EIPR1: variants seen among roughly 807,000 people sequenced by gnomAD.
The protein encoded by EIPR1 is EARP and GARP complex-interacting protein 1.
In EIPR1, 25 loss-of-function variants were observed where a neutral mutation model predicts 48.1. The ratio of observed to expected loss-of-function variants is 0.52; its 90% CI spans 0.38 to 0.73. EIPR1 has a LOEUF of 0.73. EIPR1 is among the 30% of genes least tolerant of loss of function. EIPR1 has a pLI of 0.00. For synonymous variants in EIPR1, 204 were observed against 201.9 expected, an observed-to-expected ratio of 1.01 and a Z score of -0.09; for missense variants, 415 against 506.2, an observed-to-expected ratio of 0.82 and a Z score of 1.73.
intron 5 of EIPR1, among the ~76,000 whole-genome samples, chr2:3,213,081 G>C (rs1199016477): frequency 1.3e-5 from 2 of 152,164 alleles, no homozygotes; most frequent in East Asian, 3.9e-4. Flanking sequence ...CACCATGAGG[G>C]AGAAGAGCTA....
intron 4 of EIPR1, among the ~76,000 whole-genome samples, chr2:3,253,520 G>A (rs1667065461): frequency 6.6e-6 from 1 of 152,178 alleles, no homozygotes; most frequent in Non-Finnish European, 1.5e-5. Flanking sequence ...GCCGTTTCAG[G>A]GATGAAGGTT....
intron 5 of EIPR1, chr2:3,208,668 T>A (rs752708539): frequency 5.2e-6 from 8 of 1,550,454 alleles, no homozygotes; most frequent in African/African-American, 1.4e-5. Flanking sequence ...CTTCTTGCAG[T>A]CATAACTCAA....
chr2:3,199,066 CCCCCCG>C (rs764001288), intron 5 of EIPR1, among the ~76,000 whole-genome samples: 3,119 of 55,206 alleles, frequency 0.056, 1,222 homozygotes, highest in Non-Finnish European at 0.1. Context: ...AGAGGGCCCC[CCCCCCG>C]CCCCGGGAAT....
chr2:3,295,560 T>C (rs1302561780), intron 3 of EIPR1, among the ~76,000 whole-genome samples: 1 of 97,840 alleles, frequency 1.0e-5, no homozygotes, highest in Non-Finnish European at 2.0e-5. Context: ...CAGCCCATCC[T>C]CTCTCCACAC....
At chr2:3,240,059 C>G (rs796331474) in intron 4 of EIPR1, among the ~76,000 whole-genome samples, 1 of 130,768 alleles carries the variant, frequency 7.6e-6, no homozygotes, top group East Asian at 2.3e-4. Flanking sequence ...CCAGTAGACC[C>G]TTCCTAAAGC....
chr2:3,284,760 T>C (rs1453642538), intron 3 of EIPR1, among the ~76,000 whole-genome samples: 1 of 152,056 alleles, frequency 6.6e-6, no homozygotes, highest in Non-Finnish European at 1.5e-5. Flanking sequence ...CCCGTGTCAT[T>C]ATCCTGCCTT....
chr2:3,371,404 A>G (rs553524606), intron 1 of EIPR1, among the ~76,000 whole-genome samples: 16 of 152,318 alleles, frequency 1.1e-4, no homozygotes, highest in African/African-American at 3.8e-4. Flanking sequence ...ATGTAAATGC[A>G]CTAAATGCTC....
At chr2:3,346,885 T>G (rs1385154082) in intron 2 of EIPR1, among the ~76,000 whole-genome samples, 2 of 152,166 alleles carry the variant, frequency 1.3e-5, no homozygotes, top group Non-Finnish European at 2.9e-5. Context: ...AGTTTGGAAA[T>G]TTGTCCCTTT....
chr2:3,294,912 T>TAC (rs1668495558), intron 3 of EIPR1, among the ~76,000 whole-genome samples: 2 of 38,864 alleles, frequency 5.1e-5, no homozygotes, highest in East Asian at 1.1e-3. Flanking sequence ...ATTCTCTCCC[T>TAC]GCACACACAC....
At chr2:3,356,483 A>C (rs1174033430) in intron 1 of EIPR1, among the ~76,000 whole-genome samples, 1 of 152,224 alleles carries the variant, frequency 6.6e-6, no homozygotes, top group Non-Finnish European at 1.5e-5. Flanking sequence ...AGCTGTGACT[A>C]GCACTGCAGG....
intron 3 of EIPR1, among the ~76,000 whole-genome samples, chr2:3,313,040 A>C (rs1669175553): frequency 6.6e-6 from 1 of 152,200 alleles, no homozygotes; most frequent in African/African-American, 2.4e-5. Flanking sequence ...CAAATCTACA[A>C]GAAAGGTACA....
In EIPR1 at chr2:3,242,515, C is replaced by T. The variant is rs184181112; in HGVS notation, c.416+14784G>A. ...CAGAGATTTCAGGCCTCCGACTCCA[C>T]ACCCACTGACGGCTGGAAGACAGAG... On this transcript the variant is annotated intron_variant, in intron 4 of 8. Transcript: ENST00000382125. 3.6e-4 allele frequency among the ~76,000 whole-genome samples: 54 copies of T among 149,108 alleles called. 2 individuals are homozygous for T. Among genetic ancestry groups the T allele is most frequent in the South Asian group, 6.5e-4 (3 of 4,610 alleles).
rs570793177 is a variant in EIPR1 at position 3,256,072 on chromosome 2, C to T, written c.416+1227G>A. Among the ~76,000 whole-genome samples the T allele has an allele frequency of 7.9e-5, 12 of 152,326 alleles. No individual in the cohort carries two copies. The South Asian group carries it at 2.5e-3, about 32-fold the overall frequency. On this transcript the variant is annotated intron_variant, in intron 4 of 8. Transcript: ENST00000382125. ...TGCAAGACTGGCTGTGATTTTAATACTCAGAGCATCTCCGTAAGAAGAAAT... is the reference window on the plus strand; with the variant it reads ...TGCAAGACTGGCTGTGATTTTAATATTCAGAGCATCTCCGTAAGAAGAAAT...
At chr2:3,285,366 G>GA (rs910648853) in intron 3 of EIPR1, among the ~76,000 whole-genome samples, 1 of 148,158 alleles carries the variant, frequency 6.7e-6, no homozygotes, top group African/African-American at 2.5e-5. Context: ...TGTGGTGGAC[G>GA]GGAGCAGCAA....
chr2:3,338,476 G>A (rs573284818), intron 2 of EIPR1, among the ~76,000 whole-genome samples: 7 of 152,274 alleles, frequency 4.6e-5, no homozygotes, highest in Admixed American at 1.3e-4. Flanking sequence ...TTGGTGTCAC[G>A]GCCAGAGCTG....
intron 3 of EIPR1, among the ~76,000 whole-genome samples, chr2:3,270,607 T>A (rs919508717): frequency 6.6e-6 from 1 of 152,244 alleles, no homozygotes; most frequent in Non-Finnish European, 1.5e-5. Flanking sequence ...GACACTATAA[T>A]GCAGTCAAGT....
At chr2:3,257,511 T>C (rs1245523600) in intron 3 of EIPR1, 56 bp from the exon 4 acceptor site, 1 of 1,590,158 alleles carries the variant, frequency 6.3e-7, no homozygotes, top group Non-Finnish European at 8.6e-7. Flanking sequence ...CCCCGCATTC[T>C]GCAGACAGCA....
intron 3 of EIPR1, chr2:3,298,330 A>C (rs1371038892): frequency 6.6e-6 from 1 of 152,168 alleles, no homozygotes; most frequent in Non-Finnish European, 1.5e-5. Flanking sequence ...ACAAGATTTG[A>C]AAGCCACTGG....
rs1229692989 is a variant in EIPR1, at chr2:3,196,981, G to A, written c.553C>T (p.Leu185=). 1.2e-6 allele frequency: 2 copies of A among 1,613,868 alleles called. No individual in the cohort carries two copies. Among genetic ancestry groups the A allele is most frequent in the East Asian group, 4.5e-5 (2 of 44,894 alleles). The change falls in exon 6 of 9, where the codon CTG becomes TTG. Residue 185 remains leucine (L), a synonymous_variant. Coordinates refer to ENST00000382125, the MANE Select transcript of EIPR1 (RefSeq NM_003310.5). Reference sequence around the variant, plus strand: ...CTCCACCGTCCTGAGGTGAACTTCAGTTGTCCCTTCCCTTCCAGGGACGCT... The same window carrying A: ...CTCCACCGTCCTGAGGTGAACTTCAATTGTCCCTTCCCTTCCAGGGACGCT... ...SSASLEGKGQ[L]KFTSGRWSPH... is the part of the protein sequence containing the mutation.
Sources: gnomAD v4.1 joint callset for allele counts (sites outside exome capture counted in the v4.1 genomes callset) on GRCh38, gnomAD v4.1.1 for gene constraint, MANE v1.5 for transcripts, NCBI Gene and HGNC (gene_info 2026-07-23, HGNC 2026-07-21) for gene names.